The following TULP4 variants were observed in gnomAD, a reference collection of about 807,000 sequenced individuals.
TULP4 encodes tubby-related protein 4.
Under a neutral mutation model 129.0 loss-of-function variants are expected in TULP4, and 16 were observed. The observed-to-expected ratio is 0.12, with a 90% CI of 0.08 to 0.19. The LOEUF is 0.19. Ranked by LOEUF, TULP4 falls within the 10% of genes least tolerant of loss-of-function variation. TULP4 has a pLI of 1.00. For synonymous variants in TULP4, 998 were observed against 854.0 expected (o/e 1.17, Z -2.94); for missense variants, 1,842 against 2,059.1 (o/e 0.89, Z 2.04).
Position 158,413,145 on chromosome 6 carries a change from G to C in TULP4, c.333G>C (p.Gln111His). Residue 111 changes from glutamine (Q) to histidine (H), a missense_variant, in exon 2 of 14, where the codon CAG (glutamine) becomes CAC (histidine). Coordinates refer to ENST00000367097, the MANE Select transcript of TULP4 (RefSeq NM_020245.5). This position sits in a 1 kb window ranked among gnomAD's most constrained non-coding sequence, Gnocchi z 4.9. ...DADGGIFVWI[Q>H]YEGRWSVELV... Reference sequence around the variant, plus strand: ...ACGGAGGCATATTCGTGTGGATTCAGTACGAGGGCAGGTGGTCTGTGGAGC... The same window carrying C: ...ACGGAGGCATATTCGTGTGGATTCACTACGAGGGCAGGTGGTCTGTGGAGC... 4 of 1,613,906 alleles carry C rather than the reference G, an allele frequency of 2.5e-6. No individual in the cohort carries two copies. Among genetic ancestry groups the C allele is most frequent in the Non-Finnish European group, 3.4e-6 (4 of 1,179,828 alleles).
intron 1 of TULP4, among the ~76,000 whole-genome samples, chr6:158,351,304 C>T (rs1261934651): frequency 6.6e-6 from 1 of 152,086 alleles, no homozygotes; most frequent in Non-Finnish European, 1.5e-5. Context: ...CTGAGATGAG[C>T]ATTTCTTAGC....
intron 8 of TULP4, 71 bp downstream of exon 8, chr6:158,481,360 A>G: frequency 7.3e-7 from 1 of 1,376,028 alleles, no homozygotes; most frequent in Non-Finnish European, 1.0e-6. Flanking sequence ...CTTACACCCC[A>G]TGCAAAGAGA....
chr6:158,336,638 C>G (rs1231818262), intron 1 of TULP4, among the ~76,000 whole-genome samples: 1 of 152,120 alleles, frequency 6.6e-6, no homozygotes, highest in Admixed American at 6.5e-5. Flanking sequence ...TTCCTTATAG[C>G]AGGACAAATA....
rs1313901250 is a variant in TULP4, at chr6:158,349,282, A to T, written c.252+35014A>T. ...GGCAGAGGCGCTCCTCACCTCCCAG[A>T]TGGGGCGGCTGCCGGTCAGAGGTGC... On this transcript the variant is annotated intron_variant, in intron 1 of 13. Transcript: ENST00000367097. 1.6e-5 allele frequency among the ~76,000 whole-genome samples: 2 copies of T among 122,834 alleles called. 1 individual carries two copies. Among genetic ancestry groups the T allele is most frequent in the East Asian group, 5.2e-4 (2 of 3,820 alleles). The allele number at this position is 122,834 out of a possible 152,430, so 80.6% of individuals were successfully genotyped here.
intron 1 of TULP4, among the ~76,000 whole-genome samples, chr6:158,288,997 C>T (rs1778881236): frequency 6.6e-6 from 1 of 152,126 alleles, no homozygotes; most frequent in South Asian, 2.1e-4. Context: ...TTGTGTAATA[C>T]TGCTGTAGGC....
Position 158,503,624 on chromosome 6 carries a change from C to G in TULP4, c.3961C>G (p.Leu1321Val). ...TADNFQEVLS[L>V]TESPVPQRTE... ...AGACAACTTCCAGGAAGTCCTCTCC[C>G]TGACCGAAAGCCCAGTCCCCCAGCG... Residue 1321 changes from leucine to valine, a missense_variant, in exon 13 of 14, where the codon CTG (leucine) becomes GTG (valine). By Grantham distance (32) the Leu-to-Val change is conservative. Transcript: ENST00000367097. This position sits in a 1 kb window ranked among gnomAD's most constrained non-coding sequence, Gnocchi z 4.3. 1 of 1,614,082 alleles carries G rather than the reference C, an allele frequency of 6.2e-7. No individual in the cohort carries two copies. Among genetic ancestry groups the G allele is most frequent in the South Asian group, 1.1e-5 (1 of 91,082 alleles).
intron 1 of TULP4, among the ~76,000 whole-genome samples, chr6:158,315,241 G>A (rs888147118): frequency 6.6e-6 from 1 of 151,994 alleles, no homozygotes; most frequent in African/African-American, 2.4e-5. Context: ...CTCACAGTTC[G>A]GGAGGCTGAA....
rs557678837 is a variant in TULP4 at position 158,427,471 on chromosome 6, C to CTTTT, written c.382-2227_382-2224dup. ...AAATTCCTTTTCAAAATTATCAGAC[C>CTTTT]TTTTTTTTTTTTTTTTTTTTTTTTT... On this transcript the variant is annotated intron_variant, in intron 2 of 13. Transcript: ENST00000367097. Among the ~76,000 whole-genome samples, 369 of 74,134 alleles carry CTTTT rather than the reference C, an allele frequency of 5.0e-3. 69 individuals carry two copies. The highest frequency in any genetic ancestry group is 9.2e-3 in the African/African-American group (149 of 16,114). The allele number at this position is 74,134 out of a possible 152,430, so 48.6% of individuals were successfully genotyped here. A position where few individuals can be genotyped will look rare whatever the true frequency, so the allele number is the denominator to read the frequency against.
intron 1 of TULP4, among the ~76,000 whole-genome samples, chr6:158,384,289 C>CTTTTTT (rs10634916): frequency 2.8e-5 from 4 of 144,468 alleles, no homozygotes; most frequent in Non-Finnish European, 3.0e-5. Flanking sequence ...GCCTGTTTAG[C>CTTTTTT]TTTTTTTTTT....
chr6:158,303,112 A>G (rs1039929050), intron 1 of TULP4, among the ~76,000 whole-genome samples: 5 of 150,176 alleles, frequency 3.3e-5, no homozygotes, highest in Non-Finnish European at 7.4e-5. Flanking sequence ...CAGAAATTAC[A>G]TTAATCCAAT....
rs9456300 is a variant in TULP4, at chr6:158,418,047, C to T, written c.381+4854C>T. Among the ~76,000 whole-genome samples, 372 of 150,976 alleles carry T rather than the reference C, an allele frequency of 2.5e-3. 5 individuals are homozygous for T. Among genetic ancestry groups the T allele is most frequent in the African/African-American group, 8.8e-3 (362 of 41,176 alleles). ...AGTAAAGCAAGAGCATTGCAACCTT[C>T]TGCAGTTGAAAAACTAAAAGAACTG... On this transcript the variant is annotated intron_variant, in intron 2 of 13. Coordinates refer to ENST00000367097, the MANE Select transcript of TULP4 (RefSeq NM_020245.5).
chr6:158,376,110 C>G lies in TULP4; in HGVS notation c.253-36955C>G, dbSNP rs565602159. On this transcript the variant is annotated intron_variant, in intron 1 of 13. Transcript: ENST00000367097. ...GGCTGTCACCTGCTGACCCAGCCCC[C>G]TTTTCCCTGCACCTCCTCTCACCTG... is the stretch of plus-strand genomic sequence containing the variant. Among the ~76,000 whole-genome samples, 3 of 152,206 alleles carry G rather than the reference C, an allele frequency of 2.0e-5. No homozygotes were observed. In the South Asian group the frequency reaches 6.2e-4, roughly 32 times the overall value.
chr6:158,502,273 C>T lies in TULP4; in HGVS notation c.2610C>T (p.Phe870=), dbSNP rs761202532. The T allele has an allele frequency of 6.3e-7, 1 of 1,591,930 alleles. No homozygotes were observed. Among genetic ancestry groups the T allele is most frequent in the South Asian group, 1.1e-5 (1 of 90,576 alleles). The part of the protein sequence containing the change: ...PVDVCLKKGD[F]SLYPTSVHYQ... ...ATGTGTGCTTGAAGAAGGGCGACTT[C>T]TCCCTCTACCCCACGTCAGTGCACT... The change falls in exon 13 of 14, where the codon TTC becomes TTT. Residue 870 remains phenylalanine, a synonymous_variant. Transcript: ENST00000367097.
At chr6:158,367,721 T>C (rs554818982) in intron 1 of TULP4, among the ~76,000 whole-genome samples, 1 of 152,270 alleles carries the variant, frequency 6.6e-6, no homozygotes, top group South Asian at 2.1e-4. Flanking sequence ...TCAAAGATTC[T>C]TTTATTGTGA....
rs1040321091 is a variant in TULP4, at chr6:158,454,031, A to C, written c.859+1763A>C. 3.4e-3 allele frequency among the ~76,000 whole-genome samples: 258 copies of C among 76,738 alleles called. 3 individuals carry two copies. Among genetic ancestry groups the C allele is most frequent in the Middle Eastern group, 5.6e-3 (1 of 180 alleles). The allele number at this position is 76,738 out of a possible 152,430, so 50.3% of individuals were successfully genotyped here. On this transcript the variant is annotated intron_variant, in intron 5 of 13. Coordinates refer to ENST00000367097, the MANE Select transcript of TULP4 (RefSeq NM_020245.5). ...ACCTGCCTCTGCACCGCCCCCCCCC[A>C]AGTAATTACTCTATTTTTAAACTAT...
rs557624414 is a variant in TULP4 at position 158,321,052 on chromosome 6, T to A, written c.252+6784T>A. On this transcript the variant is annotated intron_variant, in intron 1 of 13. Coordinates refer to ENST00000367097, the MANE Select transcript of TULP4 (RefSeq NM_020245.5). ...GAATATCAATTATTTATTTATTTTT[T>A]AAAAAAATTTTCTTTAACTTTTTGG... is the stretch of plus-strand genomic sequence containing the variant. Among the ~76,000 whole-genome samples the A allele has an allele frequency of 1.6e-4, 24 of 152,292 alleles. No individual in the cohort carries two copies. In the East Asian group the frequency reaches 2.1e-3, roughly 13 times the overall value.
chr6:158,490,597 A>C (rs573064199), intron 9 of TULP4, among the ~76,000 whole-genome samples: 1 of 152,272 alleles, frequency 6.6e-6, no homozygotes, highest in Non-Finnish European at 1.5e-5. Context: ...CTCATTGTAC[A>C]AGGGCTATCC....
intron 3 of TULP4, among the ~76,000 whole-genome samples, chr6:158,443,801 A>G (rs923525790): frequency 3.3e-5 from 5 of 152,122 alleles, no homozygotes; most frequent in South Asian, 4.1e-4. Context: ...CTGTTAATCA[A>G]TTGAGCAGTT....
Position 158,448,136 on chromosome 6 carries a change from C to T in TULP4, c.544-860C>T, listed in dbSNP as rs115860693. On this transcript the variant is annotated intron_variant, in intron 3 of 13. Coordinates refer to ENST00000367097, the MANE Select transcript of TULP4 (RefSeq NM_020245.5). ...CTCCTTTGCTGCTGTCATGGAGGGGCGCATTCAGCCTTCCTCTATCCAGAT... is the reference window on the plus strand; with the variant it reads ...CTCCTTTGCTGCTGTCATGGAGGGGTGCATTCAGCCTTCCTCTATCCAGAT... 3.3e-3 allele frequency among the ~76,000 whole-genome samples: 498 copies of T among 152,272 alleles called. 1 individual carries two copies. Among genetic ancestry groups the T allele is most frequent in the African/African-American group, 0.012 (479 of 41,548 alleles).
Sources: allele counts gnomAD v4.1 joint callset (sites outside exome capture counted in the v4.1 genomes callset), GRCh38; gene constraint gnomAD v4.1.1; non-coding constraint Gnocchi (gnomAD v3.1); transcripts MANE v1.5; gene names NCBI Gene and HGNC (gene_info 2026-07-23, HGNC 2026-07-21).